The following PLOD1 variants were observed in gnomAD, a reference collection of about 807,000 sequenced individuals.
PLOD1 encodes the protein lysine hydroxylase.
In PLOD1, 70 loss-of-function variants were observed where a neutral mutation model predicts 94.7. That is an observed-to-expected ratio of 0.74 (90% CI 0.61 to 0.90). The LOEUF (loss-of-function observed/expected upper bound fraction) is 0.90. PLOD1 is among the 40% of genes least tolerant of loss of function. The pLI is 0.00. For synonymous variants in PLOD1, 417 were observed against 400.2 expected, an observed-to-expected ratio of 1.04 and a Z score of -0.50; for missense variants, 905 against 972.7, an observed-to-expected ratio of 0.93 and a Z score of 0.93.
chr1:11,952,835 CT>C, intron 5 of PLOD1, 100 bp downstream of exon 5: 1 of 823,886 alleles, frequency 1.2e-6, no homozygotes, highest in East Asian at 2.6e-5. Flanking sequence ...GGGTTGGTGT[CT>C]TAGTCTATGC....
intron 2 of PLOD1, among the ~76,000 whole-genome samples, chr1:11,949,005 G>A (rs1054003488): frequency 6.6e-6 from 1 of 152,208 alleles, no homozygotes; most frequent in African/African-American, 2.4e-5. Context: ...GGTTGCAGCA[G>A]AGGGTTGCTT....
Position 11,957,056 on chromosome 1 carries a change from G to A in PLOD1, c.741+42G>A. On this transcript the variant is annotated intron_variant, in intron 7 of 18. Coordinates refer to ENST00000196061, the MANE Select transcript of PLOD1 (RefSeq NM_000302.4). The surrounding 1 kb of genome is among the most constrained non-coding windows in gnomAD (Gnocchi z 4.1). ...CCCTGGGGAGTGTGGGAGGGGGCCA[G>A]AGCCCTAATTTCATTCTCACTGTGA... 1 of 1,298,314 alleles carries A rather than the reference G, an allele frequency of 7.7e-7. No homozygotes were observed. The highest frequency in any genetic ancestry group is 1.1e-6 in the Non-Finnish European group (1 of 891,548). 80.4% of individuals were successfully genotyped at this position (1,298,314 alleles called of 1,614,324 possible).
At chr1:11,961,100 A>G (rs1392151824) in intron 10 of PLOD1, among the ~76,000 whole-genome samples, 1 of 151,588 alleles carries the variant, frequency 6.6e-6, no homozygotes, top group Non-Finnish European at 1.5e-5. Context: ...ATAAAAAAAA[A>G]AGGCCGAGAG....
chr1:11,952,712 ATCT>A lies in PLOD1; in HGVS notation c.561_563del (p.Phe187del). 6.2e-7 allele frequency: 1 copy of A among 1,613,600 alleles called. No individual in the cohort carries two copies. The highest frequency in any genetic ancestry group is 8.5e-7 in the Non-Finnish European group (1 of 1,179,584). The stretch of plus-strand genomic sequence containing the variant: ...CAGCGATCAGCTGTTTTACACCAAG[ATCT>A]TCTTGGACCCGGAGAAGAGGGTAAG... On this transcript the variant is annotated inframe_deletion, in exon 5 of 19. Transcript: ENST00000196061.
At chr1:11,965,697 T>G in intron 14 of PLOD1, 104 bp downstream of exon 14, 1 of 723,610 alleles carries the variant, frequency 1.4e-6, no homozygotes, top group Non-Finnish European at 2.5e-6. Flanking sequence ...AGGACCCCTG[T>G]AGGCCACCTG....
At chr1:11,970,476 G>GC (rs1453272294) in intron 16 of PLOD1, among the ~76,000 whole-genome samples, 194 bp from the exon 17 acceptor site, 4 of 152,038 alleles carry the variant, frequency 2.6e-5, no homozygotes, top group East Asian at 1.9e-4. Context: ...AGTAGGTCAG[G>GC]CCCCCCCAGG....
At chr1:11,944,692 C>G (rs754948199) in intron 1 of PLOD1, 20 of 1,290,350 alleles carry the variant, frequency 1.5e-5, no homozygotes, top group Non-Finnish European at 2.0e-5. Flanking sequence ...CCACACCTGC[C>G]TGGTGTATCC....
At chr1:11,939,084 G>A (rs1645598397) in intron 1 of PLOD1, among the ~76,000 whole-genome samples, 2 of 152,076 alleles carry the variant, frequency 1.3e-5, no homozygotes, top group South Asian at 4.1e-4. Context: ...CTTTCCCTGT[G>A]GGCCTTGATT....
At chr1:11,959,806 T>G (rs990628914) in intron 9 of PLOD1, among the ~76,000 whole-genome samples, 1 of 150,220 alleles carries the variant, frequency 6.7e-6, no homozygotes, top group African/African-American at 2.5e-5. Context: ...TTAGTAGAGA[T>G]AGGGTTTCAC....
Position 11,963,396 on chromosome 1 carries a change from C to A in PLOD1, c.1098-136C>A, listed in dbSNP as rs1481075517. 2.7e-5 allele frequency: 19 copies of A among 693,292 alleles called. No homozygotes were observed. Among genetic ancestry groups the A allele is most frequent in the South Asian group, 2.3e-4 (15 of 65,206 alleles). The allele number at this position is 693,292 out of a possible 1,614,324, so 42.9% of individuals were successfully genotyped here. A position where few individuals can be genotyped will look rare whatever the true frequency, so the allele number is the denominator to read the frequency against. The stretch of plus-strand genomic sequence containing the variant: ...GTTTGGGACTCAGAGTCGGGAGGAA[C>A]CTTTGAGGCTGCTGGTGTGACCTCT... On this transcript the variant is annotated intron_variant, in intron 10 of 18. Coordinates refer to ENST00000196061, the MANE Select transcript of PLOD1 (RefSeq NM_000302.4). The surrounding 1 kb of genome is among the most constrained non-coding windows in gnomAD (Gnocchi z 4.3).
chr1:11,938,792 C>T (rs1234738978), intron 1 of PLOD1, among the ~76,000 whole-genome samples: 1 of 152,012 alleles, frequency 6.6e-6, no homozygotes, highest in Non-Finnish European at 1.5e-5. Flanking sequence ...AAACATGGAC[C>T]GTTTTCACTT....
Position 11,957,788 on chromosome 1 carries a change from G to A in PLOD1, c.742-54G>A. On this transcript the variant is annotated intron_variant, in intron 7 of 18. Transcript: ENST00000196061. This position sits in a 1 kb window ranked among gnomAD's most constrained non-coding sequence, Gnocchi z 4.1. Reference sequence around the variant, plus strand: ...GGGGCCCAGGGAGATGTGAGTCAGGGCTATGGCAGGTGGGGCTGGCTGGCT... The same window carrying A: ...GGGGCCCAGGGAGATGTGAGTCAGGACTATGGCAGGTGGGGCTGGCTGGCT... 8.2e-7 allele frequency: 1 copy of A among 1,214,348 alleles called. No homozygotes were observed. The allele number at this position is 1,214,348 out of a possible 1,614,324, so 75.2% of individuals were successfully genotyped here.
chr1:11,972,664 T>A lies in PLOD1; in HGVS notation c.1903-208T>A. On this transcript the variant is annotated intron_variant, in intron 17 of 18. Coordinates refer to ENST00000196061, the MANE Select transcript of PLOD1 (RefSeq NM_000302.4). The surrounding 1 kb of genome is among the most constrained non-coding windows in gnomAD (Gnocchi z 4.6). The stretch of plus-strand genomic sequence containing the variant: ...CCCTCTGTTCTCTTCCTTCCCTCCC[T>A]CTCTCCCCTCTGTCCATACATTTTT... The A allele has an allele frequency of 1.0e-5, 4 of 386,038 alleles. No individual in the cohort carries two copies. The highest frequency in any genetic ancestry group is 2.1e-5 in the African/African-American group (1 of 47,174). The allele number at this position is 386,038 out of a possible 1,614,324, so 23.9% of individuals were successfully genotyped here.
chr1:11,965,283 C>T (rs1645807872), intron 13 of PLOD1, among the ~76,000 whole-genome samples, 197 bp from the exon 14 acceptor site: 1 of 151,982 alleles, frequency 6.6e-6, no homozygotes, highest in African/African-American at 2.4e-5. Context: ...GAAGACTTCC[C>T]TGATCACATT....
At chr1:11,950,313 G>A (rs750886735) in intron 3 of PLOD1, 44 bp from the exon 4 acceptor site, 7 of 1,604,106 alleles carry the variant, frequency 4.4e-6, no homozygotes, top group Non-Finnish European at 6.0e-6. Context: ...CTGGGCCCCT[G>A]CTCACCCTTG....
Position 11,972,778 on chromosome 1 carries a change from G to C in PLOD1, c.1903-94G>C, listed in dbSNP as rs946961213. ...GGCCCCTGTAAGCTGACCTGCAGCAGGCCAGACCAGGCCCCATGTGTGCAC... is the reference window on the plus strand; with the variant it reads ...GGCCCCTGTAAGCTGACCTGCAGCACGCCAGACCAGGCCCCATGTGTGCAC... On this transcript the variant is annotated intron_variant, in intron 17 of 18. Transcript: ENST00000196061. The surrounding 1 kb of genome is among the most constrained non-coding windows in gnomAD (Gnocchi z 4.6). The C allele has an allele frequency of 4.9e-6, 7 of 1,437,228 alleles. No homozygotes were observed. The South Asian group carries it at 6.9e-5, about 14-fold the overall frequency. The allele number at this position is 1,437,228 out of a possible 1,614,324, so 89.0% of individuals were successfully genotyped here. A position where few individuals can be genotyped will look rare whatever the true frequency, so the allele number is the denominator to read the frequency against.
At chr1:11,940,659 G>C (rs893687902) in intron 1 of PLOD1, among the ~76,000 whole-genome samples, 24 of 152,198 alleles carry the variant, frequency 1.6e-4, no homozygotes, top group Non-Finnish European at 3.5e-4. Flanking sequence ...GGTTCATCTG[G>C]GGAAGTCATT....
chr1:11,962,497 C>A (rs901083849), intron 10 of PLOD1, among the ~76,000 whole-genome samples: 2 of 149,468 alleles, frequency 1.3e-5, no homozygotes, highest in Non-Finnish European at 1.5e-5. Context: ...AGGATGGTCT[C>A]GATCTCCTGA....
chr1:11,965,375 G>A (rs190523295), intron 13 of PLOD1, 105 bp from the exon 14 acceptor site: 12 of 724,316 alleles, frequency 1.7e-5, no homozygotes, highest in East Asian at 1.3e-4. Flanking sequence ...TCAGTTCGGC[G>A]GGTGGAGGAG....
Sources: gnomAD v4.1 joint callset for allele counts (sites outside exome capture counted in the v4.1 genomes callset) on GRCh38, gnomAD v4.1.1 for gene constraint, Gnocchi (gnomAD v3.1) non-coding constraint, MANE v1.5 for transcripts, NCBI Gene and HGNC (gene_info 2026-07-23, HGNC 2026-07-21) for gene names.